Variants in PABIR1 observed in about 807,000 individuals in gnomAD.
PABIR1 encodes the protein PPP2R1A-PPP2R2A-interacting phosphatase regulator 1.
A neutral mutation model predicts 14.6 loss-of-function variants in PABIR1; 2 were observed. The observed-to-expected ratio is 0.14, with a 90% CI of 0.06 to 0.43. The LOEUF (loss-of-function observed/expected upper bound fraction) is 0.43. Among genes scored for constraint, PABIR1 ranks in the 20% least tolerant of loss-of-function variants. The probability of loss-of-function intolerance (pLI) is 0.99; values close to 1 mark genes in which losing one functional copy is unlikely to be tolerated. For missense variants in PABIR1, 294 were observed against 379.0 expected, an observed-to-expected ratio of 0.78 and a Z score of 1.86; for synonymous variants, 163 against 155.4, an observed-to-expected ratio of 1.05 and a Z score of -0.36.
chr9:68,780,367 G>T lies in PABIR1; in HGVS notation c.203G>T (p.Arg68Leu). 6.2e-7 allele frequency: 1 copy of T among 1,612,958 alleles called. No homozygotes were observed. Among genetic ancestry groups the T allele is most frequent in the Non-Finnish European group, 8.5e-7 (1 of 1,179,730 alleles). The change falls in exon 1 of 1, where the codon CGC becomes CTC. Residue 68 changes from arginine to leucine, a missense_variant. Arg to Leu is a moderately radical substitution (Grantham distance 102). Transcript: ENST00000394264. ...ARRNSTTFPS[R>L]HGLLLPASPV... Reference sequence around the variant, plus strand: ...CGGAACAGCACAACGTTCCCGAGCCGCCACGGCCTGCTGCTGCCGGCCTCC... The same window carrying T: ...CGGAACAGCACAACGTTCCCGAGCCTCCACGGCCTGCTGCTGCCGGCCTCC...
At position 68,785,299 on chromosome 9, in the gene PABIR1, C is replaced by A. The variant is rs905138076; in HGVS notation, c.*4271C>A. Among the ~76,000 whole-genome samples the A allele has an allele frequency of 1.3e-5, 2 of 152,164 alleles. No homozygotes were observed. Among genetic ancestry groups the A allele is most frequent in the Non-Finnish European group, 2.9e-5 (2 of 68,038 alleles). Reference sequence around the variant, plus strand: ...TTTTTTCAGGGCTTTACCTTATCAGCCATGACAAAGTATAGAGAATCTGGT... The same window carrying A: ...TTTTTTCAGGGCTTTACCTTATCAGACATGACAAAGTATAGAGAATCTGGT... On this transcript the variant is annotated 3_prime_UTR_variant, in exon 1 of 1. Transcript: ENST00000394264.
In PABIR1 at chr9:68,781,943, C is replaced by G. The variant is rs11143706; in HGVS notation, c.*915C>G. 3,468 of 167,094 alleles carry G rather than the reference C, an allele frequency of 0.021. 124 individuals carry two copies. The highest frequency in any genetic ancestry group is 0.17 in the East Asian group (873 of 5,182). The allele number at this position is 167,094 out of a possible 1,614,324, so 10.4% of individuals were successfully genotyped here. ...TTGGCGCACTCAGGTAAACAATACT[C>G]TCTCAATTGTTGATATACTTTAAAA... On this transcript the variant is annotated 3_prime_UTR_variant, in exon 1 of 1. Transcript: ENST00000394264.
rs1190297567 is a variant in PABIR1 at position 68,781,601 on chromosome 9, GAAC to G, written c.*576_*578del. The G allele has an allele frequency of 6.0e-6, 1 of 166,638 alleles. No homozygotes were observed. Among genetic ancestry groups the G allele is most frequent in the Non-Finnish European group, 1.5e-5 (1 of 68,040 alleles). 10.3% of individuals were successfully genotyped at this position (166,638 alleles called of 1,614,324 possible). ...GTGGATGGGAGGGGGAATGATTAAAGAACAAATTATAAAAGTTTGAACAAATCT... is the reference window on the plus strand; with the variant it reads ...GTGGATGGGAGGGGGAATGATTAAAGAAATTATAAAAGTTTGAACAAATCT... On this transcript the variant is annotated 3_prime_UTR_variant, in exon 1 of 1. Coordinates refer to ENST00000394264, the MANE Select transcript of PABIR1 (RefSeq NM_138333.5).
At position 68,780,952 on chromosome 9, in the gene PABIR1, C is replaced by G. The variant is rs781355999; in HGVS notation, c.788C>G (p.Thr263Ser). 14 of 1,614,020 alleles carry G rather than the reference C, an allele frequency of 8.7e-6. No homozygotes were observed. Among genetic ancestry groups the G allele is most frequent in the Admixed American group, 1.7e-5 (1 of 59,992 alleles). Residue 263 changes from threonine to serine, a missense_variant, in exon 1 of 1, where the codon ACT (threonine) becomes AGT (serine). Coordinates refer to ENST00000394264, the MANE Select transcript of PABIR1 (RefSeq NM_138333.5). ...SSCNSPAKVS[T>S]TTDSPVSPAQ... is the part of the protein sequence containing the mutation. ...TGTAACTCACCAGCGAAAGTCAGCA[C>G]TACCACCGACTCTCCTGTGTCACCT...
rs1269544295 is a variant in PABIR1 at position 68,784,586 on chromosome 9, G to A, written c.*3558G>A. The A allele has an allele frequency of 6.0e-6, 1 of 166,966 alleles. No individual in the cohort carries two copies. The allele number at this position is 166,966 out of a possible 1,614,324, so 10.3% of individuals were successfully genotyped here. On this transcript the variant is annotated 3_prime_UTR_variant, in exon 1 of 1. Coordinates refer to ENST00000394264, the MANE Select transcript of PABIR1 (RefSeq NM_138333.5). ...TTATTTGGCAATAAAATTGGGGAAG[G>A]AATCAAGACTTAAATGAGGAAAGTG...
In PABIR1 at chr9:68,783,785, ACACT is replaced by A; in HGVS notation, c.*2763_*2766del. The A allele has an allele frequency of 1.2e-5, 2 of 167,060 alleles. No homozygotes were observed. The highest frequency in any genetic ancestry group is 3.9e-4 in the East Asian group (2 of 5,184). The allele number at this position is 167,060 out of a possible 1,614,324, so 10.3% of individuals were successfully genotyped here. Reference sequence around the variant, plus strand: ...TTCCTAACTCCCACTTGTGCTCCTCACACTCACTCTGGTCGGCTATCCATTCATT... The same window carrying A: ...TTCCTAACTCCCACTTGTGCTCCTCACACTCTGGTCGGCTATCCATTCATT... On this transcript the variant is annotated 3_prime_UTR_variant, in exon 1 of 1. Transcript: ENST00000394264.
Position 68,783,158 on chromosome 9 carries a change from TC to T in PABIR1, c.*2134del, listed in dbSNP as rs2132466568. 6.0e-6 allele frequency: 1 copy of T among 167,196 alleles called. No homozygotes were observed. The highest frequency in any genetic ancestry group is 1.5e-5 in the Non-Finnish European group (1 of 68,134). 10.4% of individuals were successfully genotyped at this position (167,196 alleles called of 1,614,324 possible). A position where few individuals can be genotyped will look rare whatever the true frequency, so the allele number is the denominator to read the frequency against. ...CTCTTGCTTGAAAACTTCACTTGCTTCCCCATTTCCTACTCTTTAAGGAATG... is the reference window on the plus strand; with the variant it reads ...CTCTTGCTTGAAAACTTCACTTGCTTCCCATTTCCTACTCTTTAAGGAATG... On this transcript the variant is annotated 3_prime_UTR_variant, in exon 1 of 1. Transcript: ENST00000394264.
At position 68,781,710 on chromosome 9, in the gene PABIR1, CAACTAT is replaced by C. The variant is rs955247421; in HGVS notation, c.*688_*693del. 2 of 165,666 alleles carry C rather than the reference CAACTAT, an allele frequency of 1.2e-5. No homozygotes were observed. Among genetic ancestry groups the C allele is most frequent in the African/African-American group, 4.9e-5 (2 of 41,152 alleles). The allele number at this position is 165,666 out of a possible 1,614,324, so 10.3% of individuals were successfully genotyped here. ...TTAATAGTAATTCTAGTCAGTCATA[CAACTAT>C]AACTACTATAGAGAAAATAAAATTT... is the stretch of plus-strand genomic sequence containing the variant. On this transcript the variant is annotated 3_prime_UTR_variant, in exon 1 of 1. Transcript: ENST00000394264.
chr9:68,780,082 G>GTATCATT lies in PABIR1; in HGVS notation c.-83_-82insTATCATT. The GTATCATT allele has an allele frequency of 7.5e-7, 1 of 1,334,330 alleles. No individual in the cohort carries two copies. The highest frequency in any genetic ancestry group is 2.8e-5 in the East Asian group (1 of 35,686). 82.7% of individuals were successfully genotyped at this position (1,334,330 alleles called of 1,614,324 possible). A position where few individuals can be genotyped will look rare whatever the true frequency, so the allele number is the denominator to read the frequency against. On this transcript the variant is annotated 5_prime_UTR_variant, in exon 1 of 1. Transcript: ENST00000394264. The stretch of plus-strand genomic sequence containing the variant: ...CCGCTGACAGATTCTCGGTGGCGGC[G>GTATCATT]GCAGCGGCGGCGGCCCTGGACTGCG...
Position 68,780,086 on chromosome 9 carries a change from G to A in PABIR1, c.-79G>A, listed in dbSNP as rs1193013550. ...TGACAGATTCTCGGTGGCGGCGGCA[G>A]CGGCGGCGGCCCTGGACTGCGGGGA... On this transcript the variant is annotated 5_prime_UTR_variant, in exon 1 of 1. Coordinates refer to ENST00000394264, the MANE Select transcript of PABIR1 (RefSeq NM_138333.5). 6.5e-6 allele frequency: 9 copies of A among 1,376,960 alleles called. No individual in the cohort carries two copies. Among genetic ancestry groups the A allele is most frequent in the East Asian group, 2.7e-5 (1 of 36,468 alleles). 85.3% of individuals were successfully genotyped at this position (1,376,960 alleles called of 1,614,324 possible).
In PABIR1 at chr9:68,780,075, T is replaced by TGGCGGCGGCAGCGGCGGCGGCAGC. The variant is rs1275222589; in HGVS notation, c.-69_-68insAGCGGCGGCGGCAGCGGCGGCGGC. The TGGCGGCGGCAGCGGCGGCGGCAGC allele has an allele frequency of 2.1e-6, 3 of 1,427,920 alleles. No homozygotes were observed. In the African/African-American group the frequency reaches 4.4e-5, roughly 21 times the overall value. The allele number at this position is 1,427,920 out of a possible 1,614,324, so 88.5% of individuals were successfully genotyped here. A position where few individuals can be genotyped will look rare whatever the true frequency, so the allele number is the denominator to read the frequency against. On this transcript the variant is annotated 5_prime_UTR_variant, in exon 1 of 1. Transcript: ENST00000394264. The stretch of plus-strand genomic sequence containing the variant: ...GGCCAGCCCGCTGACAGATTCTCGG[T>TGGCGGCGGCAGCGGCGGCGGCAGC]GGCGGCGGCAGCGGCGGCGGCCCTG...
rs1328037837 is a variant in PABIR1, at chr9:68,783,765, A to C, written c.*2737A>C. On this transcript the variant is annotated 3_prime_UTR_variant, in exon 1 of 1. Coordinates refer to ENST00000394264, the MANE Select transcript of PABIR1 (RefSeq NM_138333.5). ...TCTTAGGCTTCTGAAGCAACTTCCT[A>C]ACTCCCACTTGTGCTCCTCACACTC... 6.0e-6 allele frequency: 1 copy of C among 166,968 alleles called. No homozygotes were observed. The highest frequency in any genetic ancestry group is 1.5e-5 in the Non-Finnish European group (1 of 68,130). The allele number at this position is 166,968 out of a possible 1,614,324, so 10.3% of individuals were successfully genotyped here. A position where few individuals can be genotyped will look rare whatever the true frequency, so the allele number is the denominator to read the frequency against.
chr9:68,780,410 C>T lies in PABIR1; in HGVS notation c.246C>T (p.Ser82=). The part of the protein sequence containing the change: ...LLPASPVRMH[S]SRLHQIKQEE... ...CGGCCTCCCCTGTCCGCATGCACAGCAGCCGCTTGCACCAGATCAAACAAG... is the reference window on the plus strand; with the variant it reads ...CGGCCTCCCCTGTCCGCATGCACAGTAGCCGCTTGCACCAGATCAAACAAG... The change falls in exon 1 of 1, where the codon AGC becomes AGT. Residue 82 remains serine (S), a synonymous_variant. Transcript: ENST00000394264. 1 of 1,613,960 alleles carries T rather than the reference C, an allele frequency of 6.2e-7. No individual in the cohort carries two copies. Among genetic ancestry groups the T allele is most frequent in the East Asian group, 2.2e-5 (1 of 44,882 alleles).
rs974696633 is a variant in PABIR1, at chr9:68,782,538, TGTTTAAA to T, written c.*1514_*1520del. On this transcript the variant is annotated 3_prime_UTR_variant, in exon 1 of 1. Coordinates refer to ENST00000394264, the MANE Select transcript of PABIR1 (RefSeq NM_138333.5). ...CTCAGAACAAGACAAAAGCTCTGACTGTTTAAAGTTATCGCTTACAGAGACTTTAACA... is the reference window on the plus strand; with the variant it reads ...CTCAGAACAAGACAAAAGCTCTGACTGTTATCGCTTACAGAGACTTTAACA... The T allele has an allele frequency of 6.0e-6, 1 of 167,130 alleles. No homozygotes were observed. The highest frequency in any genetic ancestry group is 1.5e-5 in the Non-Finnish European group (1 of 68,126). The allele number at this position is 167,130 out of a possible 1,614,324, so 10.4% of individuals were successfully genotyped here.
chr9:68,781,555 T>G lies in PABIR1; in HGVS notation c.*527T>G, dbSNP rs1831279811. ...TGTTTTACCCAGGAATTCTTGGATA[T>G]TTAGTTTTCTGGGTACTGAAGTGGA... On this transcript the variant is annotated 3_prime_UTR_variant, in exon 1 of 1. Coordinates refer to ENST00000394264, the MANE Select transcript of PABIR1 (RefSeq NM_138333.5). 6.0e-6 allele frequency: 1 copy of G among 167,032 alleles called. No individual in the cohort carries two copies. Among genetic ancestry groups the G allele is most frequent in the Admixed American group, 6.5e-5 (1 of 15,284 alleles). 10.3% of individuals were successfully genotyped at this position (167,032 alleles called of 1,614,324 possible). A position where few individuals can be genotyped will look rare whatever the true frequency, so the allele number is the denominator to read the frequency against.
At position 68,780,336 on chromosome 9, in the gene PABIR1, G is replaced by T; in HGVS notation, c.172G>T (p.Ala58Ser). 1 of 1,606,898 alleles carries T rather than the reference G, an allele frequency of 6.2e-7. No individual in the cohort carries two copies. The highest frequency in any genetic ancestry group is 8.5e-7 in the Non-Finnish European group (1 of 1,176,586). ...SPVFQAEAPS[A>S]RRNSTTFPSR... ...GGTGTTCCAGGCCGAGGCGCCGAGC[G>T]CCAGGCGGAACAGCACAACGTTCCC... is the stretch of plus-strand genomic sequence containing the variant. Residue 58 changes from alanine to serine, a missense_variant, in exon 1 of 1, where the codon GCC (alanine) becomes TCC (serine). Coordinates refer to ENST00000394264, the MANE Select transcript of PABIR1 (RefSeq NM_138333.5).
rs1291825504 is a variant in PABIR1 at position 68,781,541 on chromosome 9, G to A, written c.*513G>A. 1 of 166,748 alleles carries A rather than the reference G, an allele frequency of 6.0e-6. No homozygotes were observed. The highest frequency in any genetic ancestry group is 2.4e-5 in the African/African-American group (1 of 41,358). 10.3% of individuals were successfully genotyped at this position (166,748 alleles called of 1,614,324 possible). A position where few individuals can be genotyped will look rare whatever the true frequency, so the allele number is the denominator to read the frequency against. On this transcript the variant is annotated 3_prime_UTR_variant, in exon 1 of 1. Transcript: ENST00000394264. ...ATCTAGTGGTTGTCTGTTTTACCCAGGAATTCTTGGATATTTAGTTTTCTG... is the reference window on the plus strand; with the variant it reads ...ATCTAGTGGTTGTCTGTTTTACCCAAGAATTCTTGGATATTTAGTTTTCTG...
In PABIR1 at chr9:68,781,825, C is replaced by G. The variant is rs1167890679; in HGVS notation, c.*797C>G. On this transcript the variant is annotated 3_prime_UTR_variant, in exon 1 of 1. Coordinates refer to ENST00000394264, the MANE Select transcript of PABIR1 (RefSeq NM_138333.5). ...TGGGACAGTGCCTTGCAGTCTTTGC[C>G]CACTATACATAGGCTAAGGCTAAGC... 1.2e-5 allele frequency: 2 copies of G among 166,648 alleles called. No individual in the cohort carries two copies. Among genetic ancestry groups the G allele is most frequent in the East Asian group, 1.9e-4 (1 of 5,182 alleles). The allele number at this position is 166,648 out of a possible 1,614,324, so 10.3% of individuals were successfully genotyped here. A position where few individuals can be genotyped will look rare whatever the true frequency, so the allele number is the denominator to read the frequency against.
In PABIR1 at chr9:68,780,425, G is replaced by A. The variant is rs749738434; in HGVS notation, c.261G>A (p.Gln87=). 2.6e-5 allele frequency: 42 copies of A among 1,614,034 alleles called. No individual in the cohort carries two copies. The highest frequency in any genetic ancestry group is 3.5e-5 in the Non-Finnish European group (41 of 1,180,050). The part of the protein sequence containing the change: ...PVRMHSSRLH[Q]IKQEEGMDLI... ...GCATGCACAGCAGCCGCTTGCACCA[G>A]ATCAAACAAGAAGAGGGCATGGACT... is the stretch of plus-strand genomic sequence containing the variant. The change falls in exon 1 of 1, where the codon CAG becomes CAA. Residue 87 remains glutamine, a synonymous_variant. Coordinates refer to ENST00000394264, the MANE Select transcript of PABIR1 (RefSeq NM_138333.5).
Sources: gnomAD v4.1 joint callset for allele counts (sites outside exome capture counted in the v4.1 genomes callset) on GRCh38, gnomAD v4.1.1 for gene constraint, MANE v1.5 for transcripts, NCBI Gene and HGNC (gene_info 2026-07-23, HGNC 2026-07-21) for gene names.